MAGI1: variants seen among roughly 807,000 people sequenced by gnomAD.
The protein encoded by MAGI1 is membrane associated guanylate kinase, WW and PDZ domain containing 1.
In MAGI1, 58 loss-of-function variants were observed where a neutral mutation model predicts 139.9. The observed-to-expected ratio is 0.41, with a 90% CI of 0.34 to 0.52. The LOEUF is 0.52. Among genes scored for constraint, MAGI1 ranks in the 20% least tolerant of loss-of-function variants. The pLI is 0.12. For missense variants in MAGI1, 1,874 were observed against 1,901.6 expected (o/e 0.99, Z 0.27); for synonymous variants, 812 against 737.9 (o/e 1.10, Z -1.63).
intron 1 of MAGI1, among the ~76,000 whole-genome samples, chr3:65,989,376 G>A (rs539522123): frequency 2.2e-4 from 34 of 152,256 alleles, no homozygotes; most frequent in African/African-American, 7.2e-4. Flanking sequence ...GATTTAATCA[G>A]TGAAGCATGA....
At chr3:65,489,368 T>C (rs1034917320) in intron 3 of MAGI1, among the ~76,000 whole-genome samples, 4 of 152,168 alleles carry the variant, frequency 2.6e-5, no homozygotes, top group African/African-American at 9.7e-5. Context: ...TAAATATTTG[T>C]TGAAATAAAC....
At chr3:65,413,954 C>A (rs1161761878) in intron 12 of MAGI1, among the ~76,000 whole-genome samples, 1 of 152,212 alleles carries the variant, frequency 6.6e-6, no homozygotes, top group African/African-American at 2.4e-5. Flanking sequence ...AGAGTAAGTA[C>A]AATGGAAACG....
intron 1 of MAGI1, among the ~76,000 whole-genome samples, chr3:65,914,957 T>C (rs2061832043): frequency 6.6e-6 from 1 of 152,216 alleles, no homozygotes; most frequent in Non-Finnish European, 1.5e-5. Flanking sequence ...AATAAATTTG[T>C]AAAGCTCTCA....
At chr3:65,521,999 G>A (rs1411478002) in intron 2 of MAGI1, among the ~76,000 whole-genome samples, 3 of 152,092 alleles carry the variant, frequency 2.0e-5, no homozygotes, top group South Asian at 2.1e-4. Flanking sequence ...TATTATAACA[G>A]AAAAGTAGCA....
intron 2 of MAGI1, among the ~76,000 whole-genome samples, chr3:65,591,885 C>T (rs934242784): frequency 4.6e-5 from 7 of 152,108 alleles, no homozygotes; most frequent in African/African-American, 1.4e-4. Context: ...CCAGTGAGGT[C>T]GACCCTTGAC....
At chr3:65,839,499 G>A (rs559424506) in intron 1 of MAGI1, among the ~76,000 whole-genome samples, 3 of 152,010 alleles carry the variant, frequency 2.0e-5, no homozygotes, top group Non-Finnish European at 4.4e-5. Context: ...ACCGCTCCAT[G>A]AGTGACAAAG....
In MAGI1 at chr3:65,946,710, C is replaced by T. The variant is rs543783370; in HGVS notation, c.313+91286G>A. Among the ~76,000 whole-genome samples, 14 of 152,270 alleles carry T rather than the reference C, an allele frequency of 9.2e-5. No individual in the cohort carries two copies. The East Asian group carries it at 2.5e-3, about 27-fold the overall frequency. On this transcript the variant is annotated intron_variant, in intron 1 of 22. Coordinates refer to ENST00000402939, the MANE Select transcript of MAGI1 (RefSeq NM_001033057.2). ...ACGCACACCCAGATCTGGCAGCGCA[C>T]CCACCAGCCTGCGCTGACTCCAGAA...
chr3:65,958,189 A>G (rs925021556), intron 1 of MAGI1, among the ~76,000 whole-genome samples: 9 of 152,214 alleles, frequency 5.9e-5, no homozygotes, highest in Non-Finnish European at 1.3e-4. Flanking sequence ...ACAAAAAAGT[A>G]GGGACATTCA....
intron 1 of MAGI1, among the ~76,000 whole-genome samples, chr3:65,738,212 A>G (rs2034946476): frequency 6.6e-6 from 1 of 152,262 alleles, no homozygotes; most frequent in Non-Finnish European, 1.5e-5. Flanking sequence ...ATATTGCAAT[A>G]AAGCAGGTCA....
intron 14 of MAGI1, chr3:65,387,319 G>C: frequency 1.1e-6 from 1 of 884,706 alleles, no homozygotes; most frequent in East Asian, 2.5e-5. Flanking sequence ...GGAACAGTCA[G>C]TTCAGCTTTC....
chr3:65,725,868 G>A (rs1190931643), intron 1 of MAGI1, among the ~76,000 whole-genome samples: 1 of 152,058 alleles, frequency 6.6e-6, no homozygotes, highest in African/African-American at 2.4e-5. Context: ...ATGCATAACA[G>A]GAAAAAGGTT....
intron 15 of MAGI1, among the ~76,000 whole-genome samples, chr3:65,382,298 T>G (rs1372137073): frequency 1.3e-5 from 2 of 152,218 alleles, no homozygotes; most frequent in Non-Finnish European, 2.9e-5. Context: ...TGTGGCCTAT[T>G]GATGACTCAC....
intron 1 of MAGI1, among the ~76,000 whole-genome samples, chr3:65,640,445 TC>T (rs1429716438): frequency 6.6e-6 from 1 of 152,166 alleles, no homozygotes. Flanking sequence ...CTTATCTTGC[TC>T]TCACCTTTCC....
At chr3:65,591,053 G>T (rs527697879) in intron 2 of MAGI1, among the ~76,000 whole-genome samples, 1 of 152,086 alleles carries the variant, frequency 6.6e-6, no homozygotes, top group Non-Finnish European at 1.5e-5. Flanking sequence ...ACAAAGCTAC[G>T]TGTGCAAGGA....
At chr3:65,825,103 A>T (rs1321978897) in intron 1 of MAGI1, among the ~76,000 whole-genome samples, 1 of 152,230 alleles carries the variant, frequency 6.6e-6, no homozygotes, top group Admixed American at 6.5e-5. Context: ...TAGAAAGCAT[A>T]TTGGTCTGAG....
chr3:65,877,865 G>T (rs560917120), intron 1 of MAGI1, among the ~76,000 whole-genome samples: 2 of 152,070 alleles, frequency 1.3e-5, no homozygotes, highest in Non-Finnish European at 2.9e-5. Context: ...CCAGCACTTT[G>T]GGAAGTCAAG....
chr3:65,490,253 TG>T (rs1681954457), intron 3 of MAGI1, among the ~76,000 whole-genome samples: 1 of 152,100 alleles, frequency 6.6e-6, no homozygotes, highest in Non-Finnish European at 1.5e-5. Context: ...ATTTTACCAA[TG>T]GGAAAATGGA....
chr3:65,644,103 A>C (rs6782654), intron 1 of MAGI1, among the ~76,000 whole-genome samples: 1 of 151,892 alleles, frequency 6.6e-6, no homozygotes, highest in Non-Finnish European at 1.5e-5. Context: ...GGAAACCTAG[A>C]CTTCTACCCC....
intron 1 of MAGI1, among the ~76,000 whole-genome samples, chr3:65,887,040 C>T (rs2060562254): frequency 6.6e-6 from 1 of 152,024 alleles, no homozygotes; most frequent in African/African-American, 2.4e-5. Context: ...ATACAAGGTG[C>T]ACTTAAAATA....
Sources: gnomAD v4.1 joint callset for allele counts (sites outside exome capture counted in the v4.1 genomes callset) on GRCh38, gnomAD v4.1.1 for gene constraint, MANE v1.5 for transcripts, NCBI Gene and HGNC (gene_info 2026-07-23, HGNC 2026-07-21) for gene names.